Variants in CACNA1E observed in about 807,000 individuals in gnomAD.
The protein encoded by CACNA1E is calcium voltage-gated channel subunit alpha1 E, also known as voltage-dependent R-type calcium channel subunit alpha-1E.
Under a neutral mutation model 259.2 loss-of-function variants are expected in CACNA1E, and 40 were observed. The ratio of observed to expected loss-of-function variants is 0.15; its 90% CI spans 0.12 to 0.20. The LOEUF (loss-of-function observed/expected upper bound fraction) is 0.20. Ranked by LOEUF, CACNA1E falls within the 10% of genes least tolerant of loss-of-function variation. The pLI is 1.00. For missense variants in CACNA1E, 1,874 were observed against 3,040.1 expected, an observed-to-expected ratio of 0.62 and a Z score of 9.02; for synonymous variants, 1,104 against 1,138.5, an observed-to-expected ratio of 0.97 and a Z score of 0.61.
At chr1:181,604,002 G>A (rs940136555) in intron 6 of CACNA1E, among the ~76,000 whole-genome samples, 1 of 152,260 alleles carries the variant, frequency 6.6e-6, no homozygotes, top group East Asian at 1.9e-4. Flanking sequence ...TCTGTACCTT[G>A]CCCTTCCCTG....
chr1:181,326,341 T>C (rs746969512), intron 1 of CACNA1E, among the ~76,000 whole-genome samples: 8 of 152,234 alleles, frequency 5.3e-5, no homozygotes, highest in Non-Finnish European at 1.0e-4. Context: ...TTTCTGACGA[T>C]ATCTGTTACT....
intron 1 of CACNA1E, among the ~76,000 whole-genome samples, chr1:181,370,542 G>A (rs1654615658): frequency 6.6e-6 from 1 of 152,128 alleles, no homozygotes; most frequent in African/African-American, 2.4e-5. Flanking sequence ...TTGGTTTTCT[G>A]TTCCTACATT....
intron 3 of CACNA1E, among the ~76,000 whole-genome samples, chr1:181,539,475 C>T (rs1010869102): frequency 6.6e-6 from 1 of 152,110 alleles, no homozygotes; most frequent in African/African-American, 2.4e-5. Context: ...ACCTTTAAGG[C>T]CAAATGAAGA....
intron 2 of CACNA1E, among the ~76,000 whole-genome samples, chr1:181,475,112 T>A (rs1245720560): frequency 1.3e-5 from 2 of 152,198 alleles, no homozygotes; most frequent in Non-Finnish European, 2.9e-5. Context: ...GATACCTGAT[T>A]GATGCCCAAG....
intron 1 of CACNA1E, among the ~76,000 whole-genome samples, chr1:181,398,518 TAAGCCAGTAAATTGCA>T (rs1483547679): frequency 2.6e-5 from 4 of 152,166 alleles, no homozygotes; most frequent in Non-Finnish European, 4.4e-5. Flanking sequence ...TCAAGGATAT[TAAGCCAGTAAATTGCA>T]AAGCCAGGGC....
intron 7 of CACNA1E, among the ~76,000 whole-genome samples, chr1:181,662,705 G>A (rs1647808217): frequency 6.7e-6 from 1 of 148,894 alleles, no homozygotes; most frequent in Non-Finnish European, 1.5e-5. Flanking sequence ...TTTACACTCA[G>A]TAGGTGGGGC....
intron 1 of CACNA1E, among the ~76,000 whole-genome samples, chr1:181,324,119 G>A (rs1169289331): frequency 1.3e-5 from 2 of 152,184 alleles, no homozygotes; most frequent in African/African-American, 4.8e-5. Flanking sequence ...AATGTGTCCT[G>A]AGGTCCTGTT....
intron 18 of CACNA1E, among the ~76,000 whole-genome samples, chr1:181,728,875 C>G (rs533129857): frequency 7.3e-6 from 1 of 137,930 alleles, no homozygotes; most frequent in African/African-American, 2.8e-5. Context: ...GCATTTTGCT[C>G]GGGTGTGTGT....
intron 2 of CACNA1E, among the ~76,000 whole-genome samples, chr1:181,441,551 C>T (rs752453632): frequency 2.0e-5 from 3 of 152,180 alleles, no homozygotes; most frequent in Non-Finnish European, 2.9e-5. Flanking sequence ...TCTTTCCTAC[C>T]CAGATTGGAA....
At chr1:181,682,593 G>A (rs1224636012) in intron 7 of CACNA1E, among the ~76,000 whole-genome samples, 2 of 152,196 alleles carry the variant, frequency 1.3e-5, no homozygotes, top group African/African-American at 2.4e-5. Context: ...GGTAGTTTAT[G>A]TAGAAAAGAG....
chr1:181,701,379 G>A (rs1652237385), intron 7 of CACNA1E, among the ~76,000 whole-genome samples: 1 of 152,130 alleles, frequency 6.6e-6, no homozygotes, highest in Non-Finnish European at 1.5e-5. Context: ...TGCTGTGGGG[G>A]GTGTAGATGG....
At chr1:181,606,431 C>T (rs1225984616) in intron 6 of CACNA1E, among the ~76,000 whole-genome samples, 6 of 152,126 alleles carry the variant, frequency 3.9e-5, no homozygotes, top group Admixed American at 2.0e-4. Context: ...TGGATGCTAC[C>T]TCCAAAATAT....
rs1449197994 is a variant in CACNA1E at position 181,756,915 on chromosome 1, G to C, written c.4128-10G>C. ...TCCACCATCTGTGCCCTCTTGTTCT[G>C]TCCCCATAGAGTTCTGCAGCACTCT... On this transcript the variant is annotated splice_polypyrimidine_tract_variant and intron_variant, in intron 29 of 47. Transcript: ENST00000367573. 4.4e-6 allele frequency: 7 copies of C among 1,599,690 alleles called. No individual in the cohort carries two copies. Among genetic ancestry groups the C allele is most frequent in the Admixed American group, 1.7e-5 (1 of 60,000 alleles).
chr1:181,320,367 A>T (rs190257517), intron 1 of CACNA1E, among the ~76,000 whole-genome samples: 14 of 152,230 alleles, frequency 9.2e-5, no homozygotes, highest in African/African-American at 3.1e-4. Flanking sequence ...TGTGTCAGTC[A>T]CACCTCCATC....
At chr1:181,440,841 TG>T (rs1660414227) in intron 2 of CACNA1E, among the ~76,000 whole-genome samples, 1 of 151,454 alleles carries the variant, frequency 6.6e-6, no homozygotes, top group South Asian at 2.1e-4. Context: ...AAAAATTAGC[TG>T]GGTGTGGTGG....
At chr1:181,427,120 C>A (rs1211365739) in intron 2 of CACNA1E, among the ~76,000 whole-genome samples, 2 of 151,882 alleles carry the variant, frequency 1.3e-5, no homozygotes, top group Non-Finnish European at 2.9e-5. Flanking sequence ...CCCTCTCCAT[C>A]TCAGTGTCTC....
chr1:181,511,466 C>T lies in CACNA1E; in HGVS notation c.468C>T (p.Leu156=). The change falls in exon 3 of 48, where the codon CTC becomes CTT. Residue 156 remains leucine, a synonymous_variant. Coordinates refer to ENST00000367573, the MANE Select transcript of CACNA1E (RefSeq NM_001205293.3). ...TCATCTTCCATAAGGGCTCTTACCT[C>T]CGCAATGGCTGGAATGTCATGGACT... ...LGFIFHKGSY[L]RNGWNVMDFI... is the part of the protein sequence containing the mutation. 1 of 1,613,988 alleles carries T rather than the reference C, an allele frequency of 6.2e-7. No individual in the cohort carries two copies. Among genetic ancestry groups the T allele is most frequent in the East Asian group, 2.2e-5 (1 of 44,884 alleles).
intron 3 of CACNA1E, among the ~76,000 whole-genome samples, chr1:181,569,718 A>G (rs1328193421): frequency 2.0e-5 from 3 of 152,182 alleles, no homozygotes; most frequent in African/African-American, 7.2e-5. Flanking sequence ...GAGTCCAACT[A>G]ATCTGCAATT....
At chr1:181,686,147 T>G (rs2102293425) in intron 7 of CACNA1E, among the ~76,000 whole-genome samples, 1 of 152,254 alleles carries the variant, frequency 6.6e-6, no homozygotes, top group East Asian at 1.9e-4. Context: ...CTACCTATCC[T>G]TGTCCGGTGA....
Sources: allele counts gnomAD v4.1 joint callset (sites outside exome capture counted in the v4.1 genomes callset), GRCh38; gene constraint gnomAD v4.1.1; transcripts MANE v1.5; gene names NCBI Gene and HGNC (gene_info 2026-07-23, HGNC 2026-07-21).